Variants in XIRP2 observed in about 807,000 individuals in gnomAD.
The protein encoded by XIRP2 is xin actin binding repeat containing 2, also known as xin actin-binding repeat-containing protein 2.
Under a neutral mutation model 277.0 loss-of-function variants are expected in XIRP2, and 236 were observed. That is an observed-to-expected ratio of 0.85 (90% confidence interval 0.77 to 0.95). The LOEUF is 0.95. Among genes scored for constraint, XIRP2 ranks in the 40% least tolerant of loss-of-function variants. The probability of loss-of-function intolerance (pLI) is 0.00; values close to 1 mark genes in which losing one functional copy is unlikely to be tolerated. For synonymous variants in XIRP2, 1,490 were observed against 1,416.5 expected, an observed-to-expected ratio of 1.05 and a Z score of -1.17; for missense variants, 4,640 against 4,157.5, an observed-to-expected ratio of 1.12 and a Z score of -3.19.
At chr2:166,950,049 A>G (rs912089769) in intron 2 of XIRP2, among the ~76,000 whole-genome samples, 12 of 152,224 alleles carry the variant, frequency 7.9e-5, no homozygotes, top group Non-Finnish European at 1.5e-4. Context: ...ATATGTCATC[A>G]GTATAAATAG....
intron 2 of XIRP2, among the ~76,000 whole-genome samples, chr2:167,068,577 C>A (rs551502116): frequency 6.6e-6 from 1 of 151,906 alleles, no homozygotes; most frequent in East Asian, 1.9e-4. Flanking sequence ...CTTTGTAGGC[C>A]ACATAGTCCC....
chr2:167,022,453 TTTA>T (rs1688009974), intron 2 of XIRP2, among the ~76,000 whole-genome samples: 1 of 152,094 alleles, frequency 6.6e-6, no homozygotes, highest in South Asian at 2.1e-4. Flanking sequence ...TTTTTTTAAT[TTTA>T]TTATTATTAT....
In XIRP2 at chr2:167,246,852, T is replaced by C. The variant is rs894714080; in HGVS notation, c.5460T>C (p.Phe1820=). Residue 1820 remains phenylalanine, a synonymous_variant, in exon 9 of 11, where the codon TTT becomes TTC. Transcript: ENST00000409195. ...ATGTGCATAACACAGTTAAGGTTTT[T>C]ATGACCGAGCCTCAGAGTACATTTG... ...PGDVHNTVKV[F]MTEPQSTFGK... 3.1e-6 allele frequency: 5 copies of C among 1,613,728 alleles called. No homozygotes were observed. Among genetic ancestry groups the C allele is most frequent in the Admixed American group, 3.3e-5 (2 of 59,982 alleles).
In XIRP2 at chr2:167,245,986, A is replaced by G. The variant is rs758247467; in HGVS notation, c.4594A>G (p.Thr1532Ala). Residue 1532 changes from threonine (T) to alanine (A), a missense_variant, in exon 9 of 11, where the codon ACA becomes GCA. Coordinates refer to ENST00000409195, the MANE Select transcript of XIRP2 (RefSeq NM_152381.6). Reference sequence around the variant, plus strand: ...AACAACCACATGGCTCTTTGAAACAACACCACTTCATGAATTTAATGAAAC... The same window carrying G: ...AACAACCACATGGCTCTTTGAAACAGCACCACTTCATGAATTTAATGAAAC... ...VKTTTWLFET[T>A]PLHEFNETRV... 2.2e-5 allele frequency: 35 copies of G among 1,613,246 alleles called. No individual in the cohort carries two copies. Among genetic ancestry groups the G allele is most frequent in the Non-Finnish European group, 3.0e-5 (35 of 1,179,702 alleles).
rs1457400130 is a variant in XIRP2 at position 167,246,833 on chromosome 2, A to C, written c.5441A>C (p.His1814Pro). The C allele has an allele frequency of 6.2e-7, 1 of 1,613,910 alleles. No homozygotes were observed. Among genetic ancestry groups the C allele is most frequent in the Middle Eastern group, 1.7e-4 (1 of 6,060 alleles). ...SETDIIPGDV[H>P]NTVKVFMTEP... ...ACTGACATCATCCCTGGAGATGTGC[A>C]TAACACAGTTAAGGTTTTTATGACC... The change falls in exon 9 of 11, where the codon CAT becomes CCT. Residue 1814 changes from histidine (H) to proline (P), a missense_variant. Physicochemically the swap from His to Pro is moderately conservative, Grantham distance 77 (BLOSUM62 -2). Transcript: ENST00000409195.
rs948439645 is a variant in XIRP2 at position 167,049,491 on chromosome 2, T to A, written c.409-86418T>A. 2.0e-5 allele frequency among the ~76,000 whole-genome samples: 3 copies of A among 151,142 alleles called. No individual in the cohort carries two copies. The South Asian group carries it at 6.3e-4, about 32-fold the overall frequency. ...TGTTTCACAGATCTATATTTACAAA[T>A]AATGGAGACCTTCTCCAGAAAAAAA... On this transcript the variant is annotated intron_variant, in intron 2 of 10. Coordinates refer to ENST00000409195, the MANE Select transcript of XIRP2 (RefSeq NM_152381.6).
chr2:166,931,535 G>A (rs928497132), intron 2 of XIRP2, among the ~76,000 whole-genome samples: 1 of 152,082 alleles, frequency 6.6e-6, no homozygotes, highest in African/African-American at 2.4e-5. Flanking sequence ...ATATTCTTTT[G>A]TGTCTATTTT....
intron 2 of XIRP2, among the ~76,000 whole-genome samples, chr2:166,972,312 C>G (rs375569954): frequency 6.6e-6 from 1 of 152,008 alleles, no homozygotes; most frequent in African/African-American, 2.4e-5. Context: ...GTAGCCAGAA[C>G]TGACAAACAC....
chr2:167,139,314 T>C (rs1392543106), intron 3 of XIRP2, among the ~76,000 whole-genome samples: 2 of 152,098 alleles, frequency 1.3e-5, no homozygotes, highest in Non-Finnish European at 2.9e-5. Flanking sequence ...CAGATTTATA[T>C]GACTTGGAGT....
At position 167,259,612 on chromosome 2, in the gene XIRP2, A is replaced by G. The variant is rs1695787943; in HGVS notation, c.*1795A>G. On this transcript the variant is annotated 3_prime_UTR_variant, in exon 11 of 11. Transcript: ENST00000409195. ...CACTATGGATATGTTTTCCATTCAAATGGCACTTTAGCATATTGTTCTGTT... is the reference window on the plus strand; with the variant it reads ...CACTATGGATATGTTTTCCATTCAAGTGGCACTTTAGCATATTGTTCTGTT... 5.3e-6 allele frequency: 2 copies of G among 378,044 alleles called. No individual in the cohort carries two copies. Among genetic ancestry groups the G allele is most frequent in the Non-Finnish European group, 4.9e-6 (1 of 203,990 alleles). 23.4% of individuals were successfully genotyped at this position (378,044 alleles called of 1,614,324 possible).
chr2:167,071,538 G>A (rs1290729440), intron 2 of XIRP2, among the ~76,000 whole-genome samples: 1 of 152,078 alleles, frequency 6.6e-6, no homozygotes, highest in Non-Finnish European at 1.5e-5. Context: ...GGAGAAGGTT[G>A]GTCTCATGTG....
intron 2 of XIRP2, among the ~76,000 whole-genome samples, chr2:167,014,711 C>A (rs189585953): frequency 6.6e-5 from 10 of 151,802 alleles, no homozygotes; most frequent in Admixed American, 2.0e-4. Flanking sequence ...AAATGTTGAG[C>A]AGAATGAATG....
chr2:166,983,828 T>C (rs897343051), intron 2 of XIRP2, among the ~76,000 whole-genome samples: 1 of 152,220 alleles, frequency 6.6e-6, no homozygotes, highest in African/African-American at 2.4e-5. Context: ...TTTATTGTTA[T>C]ATATTTTGTA....
At chr2:167,128,772 T>G (rs1227512080) in intron 2 of XIRP2, among the ~76,000 whole-genome samples, 1 of 152,170 alleles carries the variant, frequency 6.6e-6, no homozygotes, top group Non-Finnish European at 1.5e-5. Flanking sequence ...GACACCTACA[T>G]TTCTTTATTA....
At chr2:166,987,588 A>C (rs2105441467) in intron 2 of XIRP2, among the ~76,000 whole-genome samples, 1 of 152,348 alleles carries the variant, frequency 6.6e-6, no homozygotes, top group Non-Finnish European at 1.5e-5. Context: ...CTTAGAAATA[A>C]TAAATCTTTA....
chr2:167,179,009 A>G (rs1209757261), intron 3 of XIRP2, among the ~76,000 whole-genome samples: 1 of 152,136 alleles, frequency 6.6e-6, no homozygotes, highest in Non-Finnish European at 1.5e-5. Context: ...TCCACTCTCG[A>G]TAGTAAATGA....
At chr2:167,037,855 A>C (rs936575784) in intron 2 of XIRP2, among the ~76,000 whole-genome samples, 2 of 152,086 alleles carry the variant, frequency 1.3e-5, no homozygotes, top group African/African-American at 4.8e-5. Flanking sequence ...CAATTATACT[A>C]AAATATTAGG....
intron 2 of XIRP2, among the ~76,000 whole-genome samples, chr2:167,007,288 G>A (rs760806801): frequency 2.0e-5 from 3 of 151,400 alleles, no homozygotes; most frequent in Admixed American, 6.6e-5. Context: ...AAATTATAGA[G>A]GTGGAAAAGA....
At chr2:167,089,698 T>C (rs1321603415) in intron 2 of XIRP2, among the ~76,000 whole-genome samples, 2 of 152,172 alleles carry the variant, frequency 1.3e-5, no homozygotes, top group African/African-American at 4.8e-5. Context: ...TACTTGTTTT[T>C]GCTGCATTAC....
Sources: gnomAD v4.1 joint callset for allele counts (sites outside exome capture counted in the v4.1 genomes callset) on GRCh38, gnomAD v4.1.1 for gene constraint, MANE v1.5 for transcripts, NCBI Gene and HGNC (gene_info 2026-07-23, HGNC 2026-07-21) for gene names.